The following LRP1B variants were observed in gnomAD, a reference collection of about 807,000 sequenced individuals.
The protein encoded by LRP1B is low-density lipoprotein receptor-related protein 1B.
Under a neutral mutation model 556.6 loss-of-function variants are expected in LRP1B, and 217 were observed. The observed-to-expected ratio is 0.39, with a 90% CI of 0.35 to 0.44. LRP1B has a LOEUF of 0.44. Among genes scored for constraint, LRP1B ranks in the 20% least tolerant of loss-of-function variants. The probability of loss-of-function intolerance (pLI) is 1.00; values close to 1 mark genes in which losing one functional copy is unlikely to be tolerated. For synonymous variants in LRP1B, 2,047 were observed against 1,865.8 expected (o/e 1.10, Z -2.50); for missense variants, 5,053 against 5,620.8 (o/e 0.90, Z 3.23).
chr2:140,672,808 T>A (rs1308232240), intron 41 of LRP1B, among the ~76,000 whole-genome samples: 1 of 152,200 alleles, frequency 6.6e-6, no homozygotes, highest in African/African-American at 2.4e-5. Flanking sequence ...TTCTTGTATG[T>A]CCTGGGAATT....
intron 12 of LRP1B, among the ~76,000 whole-genome samples, chr2:141,016,184 AC>A (rs1558802105): frequency 6.6e-6 from 1 of 152,102 alleles, no homozygotes; most frequent in Non-Finnish European, 1.5e-5. Context: ...AATGAACCTG[AC>A]AGTAAGTGCC....
At chr2:141,764,448 C>A (rs535625889) in intron 2 of LRP1B, among the ~76,000 whole-genome samples, 1 of 152,176 alleles carries the variant, frequency 6.6e-6, no homozygotes, top group African/African-American at 2.4e-5. Context: ...TCCCAAAGTG[C>A]TGGGATTACA....
intron 3 of LRP1B, among the ~76,000 whole-genome samples, chr2:141,356,839 A>T (rs1162248972): frequency 6.6e-6 from 1 of 152,060 alleles, no homozygotes; most frequent in Admixed American, 6.6e-5. Context: ...CCATACCCTT[A>T]TGTCCTTGTT....
chr2:141,782,413 C>A (rs1695283712), intron 2 of LRP1B, among the ~76,000 whole-genome samples: 1 of 151,586 alleles, frequency 6.6e-6, no homozygotes, highest in Admixed American at 6.6e-5. Flanking sequence ...GTCTTCTACT[C>A]ATTTAACCTC....
chr2:141,745,675 A>G (rs1281325183), intron 2 of LRP1B, among the ~76,000 whole-genome samples: 1 of 151,560 alleles, frequency 6.6e-6, no homozygotes, highest in African/African-American at 2.4e-5. Context: ...GCCCTCCCCA[A>G]CTGTGGTTAA....
At chr2:141,142,156 G>C (rs1701668852) in intron 7 of LRP1B, among the ~76,000 whole-genome samples, 1 of 152,084 alleles carries the variant, frequency 6.6e-6, no homozygotes, top group Non-Finnish European at 1.5e-5. Flanking sequence ...GCCATGTCCT[G>C]ATTTCCACAT....
chr2:141,962,011 T>A (rs548880489), intron 1 of LRP1B, among the ~76,000 whole-genome samples: 12 of 151,906 alleles, frequency 7.9e-5, no homozygotes, highest in African/African-American at 2.9e-4. Flanking sequence ...ATTATCTTTG[T>A]TATTTTGAAG....
At chr2:141,842,845 A>T (rs1697522216) in intron 1 of LRP1B, among the ~76,000 whole-genome samples, 1 of 152,158 alleles carries the variant, frequency 6.6e-6, no homozygotes, top group Non-Finnish European at 1.5e-5. Context: ...GTCCTGGTGC[A>T]CAACTAATTC....
At chr2:141,866,142 A>C (rs1698407363) in intron 1 of LRP1B, among the ~76,000 whole-genome samples, 1 of 152,226 alleles carries the variant, frequency 6.6e-6, no homozygotes, top group African/African-American at 2.4e-5. Context: ...AGACAGATCC[A>C]TCAAGAAGCT....
chr2:140,349,715 G>A (rs1434197936), intron 77 of LRP1B, among the ~76,000 whole-genome samples: 2 of 151,990 alleles, frequency 1.3e-5, no homozygotes, highest in South Asian at 2.1e-4. Flanking sequence ...TACCGTAGAA[G>A]CAATGTTTTC....
intron 2 of LRP1B, among the ~76,000 whole-genome samples, chr2:141,666,221 A>G (rs2105404074): frequency 6.6e-6 from 1 of 152,316 alleles, no homozygotes; most frequent in South Asian, 2.1e-4. Context: ...GTTCAAATAG[A>G]CTGACTTCTT....
intron 77 of LRP1B, among the ~76,000 whole-genome samples, chr2:140,345,179 T>C (rs1681588804): frequency 6.6e-6 from 1 of 151,722 alleles, no homozygotes; most frequent in Non-Finnish European, 1.5e-5. Flanking sequence ...CTCCCGATTG[T>C]AACAATCAAA....
intron 84 of LRP1B, among the ~76,000 whole-genome samples, chr2:140,278,538 T>A (rs1682785174): frequency 6.6e-6 from 1 of 152,026 alleles, no homozygotes; most frequent in Non-Finnish European, 1.5e-5. Flanking sequence ...CTTCACTCTT[T>A]AATGCGTCCA....
At chr2:141,870,189 T>C (rs1698536957) in intron 1 of LRP1B, among the ~76,000 whole-genome samples, 1 of 151,992 alleles carries the variant, frequency 6.6e-6, no homozygotes, top group Non-Finnish European at 1.5e-5. Context: ...ATTAGTCCTC[T>C]TCCCTCAGAC....
chr2:142,086,645 A>C (rs958165788), intron 1 of LRP1B, among the ~76,000 whole-genome samples: 87 of 152,012 alleles, frequency 5.7e-4, no homozygotes, highest in East Asian at 9.7e-4. Context: ...ACAAACAAAA[A>C]AAAAACACAA....
At position 141,710,331 on chromosome 2, in the gene LRP1B, AT is replaced by A. The variant is rs879605944; in HGVS notation, c.205+99947del. On this transcript the variant is annotated intron_variant, in intron 2 of 90. Coordinates refer to ENST00000389484, the MANE Select transcript of LRP1B (RefSeq NM_018557.3). ...AATATATTCAGGAGGATGAATACTG[AT>A]TTTTTTTTGTTGGGAAAAGCTAGCA... is the stretch of plus-strand genomic sequence containing the variant. 1.6e-3 allele frequency among the ~76,000 whole-genome samples: 242 copies of A among 151,398 alleles called. 3 individuals carry two copies. The highest frequency in any genetic ancestry group is 2.2e-3 in the Non-Finnish European group (146 of 67,750).
intron 3 of LRP1B, among the ~76,000 whole-genome samples, chr2:141,314,828 GTGTATATATATA>G (rs1686945903): frequency 1.6e-5 from 1 of 60,964 alleles, no homozygotes; most frequent in Non-Finnish European, 3.8e-5. Flanking sequence ...ATATATATAT[GTGTATATATATA>G]TATACACATA....
chr2:140,644,357 A>T (rs1684403628), intron 41 of LRP1B, among the ~76,000 whole-genome samples: 1 of 151,940 alleles, frequency 6.6e-6, no homozygotes, highest in African/African-American at 2.4e-5. Flanking sequence ...TTTGATTCTC[A>T]ATAGGACACA....
rs993336675 is a variant in LRP1B, at chr2:141,958,756, C to G, written c.83-148355G>C. ...ATTCTGCTGCATAATATTGTTCTTG[C>G]TGTTATATCTGAATGTCAGAATGAA... On this transcript the variant is annotated intron_variant, in intron 1 of 90. Transcript: ENST00000389484. Among the ~76,000 whole-genome samples the G allele has an allele frequency of 2.0e-5, 3 of 151,972 alleles. No homozygotes were observed. The East Asian group carries it at 5.8e-4, about 29-fold the overall frequency.
Sources: allele counts gnomAD v4.1 joint callset (sites outside exome capture counted in the v4.1 genomes callset), GRCh38; gene constraint gnomAD v4.1.1; transcripts MANE v1.5; gene names NCBI Gene and HGNC (gene_info 2026-07-23, HGNC 2026-07-21).